The following TTF2 variants were observed in gnomAD, a reference collection of about 807,000 sequenced individuals.
TTF2 encodes the protein RNA polymerase II termination factor.
TTF2 carries 108 observed loss-of-function variants against 142.4 expected under a neutral mutation model. The observed-to-expected ratio is 0.76, with a 90% CI of 0.65 to 0.89. The LOEUF (loss-of-function observed/expected upper bound fraction) is 0.89. Ranked by LOEUF, TTF2 falls within the 40% of genes least tolerant of loss-of-function variation. The pLI, the probability that TTF2 is intolerant of heterozygous loss-of-function variation, is 0.00. For missense variants in TTF2, 1,327 were observed against 1,379.8 expected, an observed-to-expected ratio of 0.96 and a Z score of 0.61; for synonymous variants, 483 against 506.2, an observed-to-expected ratio of 0.95 and a Z score of 0.61.
chr1:117,102,245 T>A lies in TTF2; in HGVS notation c.*721T>A, dbSNP rs1649640818. 1 of 152,230 alleles carries A rather than the reference T, an allele frequency of 6.6e-6. No individual in the cohort carries two copies. The highest frequency in any genetic ancestry group is 1.5e-5 in the Non-Finnish European group (1 of 68,042). The allele number at this position is 152,230 out of a possible 1,614,324, so 9.4% of individuals were successfully genotyped here. ...CTTCTCTAACACAGGCTCCATCCTA[T>A]CTCTTCATCTCTTCTTGCCAGTGAT... On this transcript the variant is annotated 3_prime_UTR_variant, in exon 23 of 23. Coordinates refer to ENST00000369466, the MANE Select transcript of TTF2 (RefSeq NM_003594.4).
At chr1:117,074,630 T>G (rs1656838339) in intron 4 of TTF2, among the ~76,000 whole-genome samples, 2 of 151,772 alleles carry the variant, frequency 1.3e-5, no homozygotes. Context: ...AGCTAAACAT[T>G]GAGCACCCAT....
intron 13 of TTF2, among the ~76,000 whole-genome samples, chr1:117,089,492 T>G (rs1648376842): frequency 6.6e-6 from 1 of 151,864 alleles, no homozygotes; most frequent in Admixed American, 6.6e-5. Flanking sequence ...AGTTCAAGAT[T>G]AGCCAGGGGA....
In TTF2 at chr1:117,075,510, C is replaced by T; in HGVS notation, c.926C>T (p.Pro309Leu). The T allele has an allele frequency of 6.2e-7, 1 of 1,614,150 alleles. No individual in the cohort carries two copies. Among genetic ancestry groups the T allele is most frequent in the Non-Finnish European group, 8.5e-7 (1 of 1,180,004 alleles). Reference protein sequence around the residue: ...PSIQATQKSLPQGHFQERPET... With the variant: ...PSIQATQKSLLQGHFQERPET... ...ATACAGGCCACCCAGAAAAGCCTGC[C>T]TCAGGGGCATTTCCAAGAGCGGCCG... Residue 309 changes from proline to leucine, a missense_variant, in exon 5 of 23, where the codon CCT becomes CTT. Pro to Leu is a moderately conservative substitution (Grantham distance 98). Coordinates refer to ENST00000369466, the MANE Select transcript of TTF2 (RefSeq NM_003594.4). This position sits in a 1 kb window ranked among gnomAD's most constrained non-coding sequence, Gnocchi z 4.5.
chr1:117,061,845 A>G (rs1655709213), intron 2 of TTF2, among the ~76,000 whole-genome samples: 1 of 152,250 alleles, frequency 6.6e-6, no homozygotes, highest in Non-Finnish European at 1.5e-5. Context: ...AAAGTGCCAC[A>G]GGTTTAGGAG....
chr1:117,076,105 C>G lies in TTF2; in HGVS notation c.1276-75C>G, dbSNP rs986662688. 6.9e-7 allele frequency: 1 copy of G among 1,439,196 alleles called. No homozygotes were observed. The highest frequency in any genetic ancestry group is 9.5e-7 in the Non-Finnish European group (1 of 1,049,762). The allele number at this position is 1,439,196 out of a possible 1,614,324, so 89.2% of individuals were successfully genotyped here. On this transcript the variant is annotated intron_variant, in intron 5 of 22. Transcript: ENST00000369466. The surrounding 1 kb of genome is among the most constrained non-coding windows in gnomAD (Gnocchi z 4.6). Reference sequence around the variant, plus strand: ...CCATAATTTCAGAGTTTGGGTGTTTCAGGCTATTTTAATCTGAAACTATTC... The same window carrying G: ...CCATAATTTCAGAGTTTGGGTGTTTGAGGCTATTTTAATCTGAAACTATTC...
chr1:117,073,141 A>G lies in TTF2; in HGVS notation c.219-520A>G, dbSNP rs1396699501. Among the ~76,000 whole-genome samples, 1 of 152,120 alleles carries G rather than the reference A, an allele frequency of 6.6e-6. No homozygotes were observed. Among genetic ancestry groups the G allele is most frequent in the East Asian group, 1.9e-4 (1 of 5,198 alleles). ...GGTTGTTTGTCCTATAGCGTTTCCC[A>G]CTGCCAAGATTTTGAAGGTTATATT... On this transcript the variant is annotated intron_variant, in intron 3 of 22. Coordinates refer to ENST00000369466, the MANE Select transcript of TTF2 (RefSeq NM_003594.4). This position sits in a 1 kb window ranked among gnomAD's most constrained non-coding sequence, Gnocchi z 4.4.
At position 117,092,624 on chromosome 1, in the gene TTF2, C is replaced by G; in HGVS notation, c.2806-107C>G. 4 of 1,262,878 alleles carry G rather than the reference C, an allele frequency of 3.2e-6. No individual in the cohort carries two copies. In the Admixed American group the frequency reaches 9.7e-5, roughly 31 times the overall value. 78.2% of individuals were successfully genotyped at this position (1,262,878 alleles called of 1,614,324 possible). A position where few individuals can be genotyped will look rare whatever the true frequency, so the allele number is the denominator to read the frequency against. On this transcript the variant is annotated intron_variant, in intron 17 of 22. Coordinates refer to ENST00000369466, the MANE Select transcript of TTF2 (RefSeq NM_003594.4). This position sits in a 1 kb window ranked among gnomAD's most constrained non-coding sequence, Gnocchi z 4.4. ...TTGAGGAGTTACTGATGACAAATTA[C>G]AAGATATTTTGCTCTGTGAAGTGGT...
rs2101216972 is a variant in TTF2, at chr1:117,097,274, T to C, written c.3187-77T>C. On this transcript the variant is annotated intron_variant, in intron 20 of 22. Coordinates refer to ENST00000369466, the MANE Select transcript of TTF2 (RefSeq NM_003594.4). The surrounding 1 kb of genome is among the most constrained non-coding windows in gnomAD (Gnocchi z 4.1). ...GAACACAGTGCTTATCTGTATTGAT[T>C]GTGGACTTAAACCTGAGACCGAGAT... The C allele has an allele frequency of 7.9e-7, 1 of 1,264,276 alleles. No individual in the cohort carries two copies. Among genetic ancestry groups the C allele is most frequent in the Non-Finnish European group, 1.2e-6 (1 of 862,174 alleles). The allele number at this position is 1,264,276 out of a possible 1,614,324, so 78.3% of individuals were successfully genotyped here. A position where few individuals can be genotyped will look rare whatever the true frequency, so the allele number is the denominator to read the frequency against.
chr1:117,076,250 A>G lies in TTF2; in HGVS notation c.1346A>G (p.Glu449Gly). 1.2e-6 allele frequency: 2 copies of G among 1,613,970 alleles called. No homozygotes were observed. Among genetic ancestry groups the G allele is most frequent in the Non-Finnish European group, 1.7e-6 (2 of 1,179,860 alleles). Residue 449 changes from glutamate (E) to glycine (G), a missense_variant, in exon 6 of 23, where the codon GAG becomes GGG. Transcript: ENST00000369466. This position sits in a 1 kb window ranked among gnomAD's most constrained non-coding sequence, Gnocchi z 4.6. ...KGQKLIKQIQELEEVLSGLTL... is the reference protein window; with the variant it reads ...KGQKLIKQIQGLEEVLSGLTL... ...CAGAAGTTGATCAAACAAATCCAGG[A>G]GCTGGAGGAAGTACTCAGTGGTCTT...
chr1:117,095,455 A>G (rs1406726132), intron 19 of TTF2, 88 bp downstream of exon 19: 1 of 1,230,418 alleles, frequency 8.1e-7, no homozygotes, highest in African/African-American at 1.5e-5. Flanking sequence ...AAGGACTGTG[A>G]GTCATGCTCA....
chr1:117,068,225 G>T (rs970174205), intron 3 of TTF2, among the ~76,000 whole-genome samples: 2 of 152,186 alleles, frequency 1.3e-5, no homozygotes. Flanking sequence ...TTGCTTAGAC[G>T]TGGGTATAAC....
At position 117,075,904 on chromosome 1, in the gene TTF2, T is replaced by A; in HGVS notation, c.1275+45T>A. The A allele has an allele frequency of 6.4e-7, 1 of 1,551,626 alleles. No individual in the cohort carries two copies. The highest frequency in any genetic ancestry group is 8.7e-7 in the Non-Finnish European group (1 of 1,155,242). The stretch of plus-strand genomic sequence containing the variant: ...TTGTTTCTGAGGTCAGAGCATTGCT[T>A]GTTATGGGCAGATATGAGATCTCAT... On this transcript the variant is annotated intron_variant, in intron 5 of 22. Transcript: ENST00000369466. This position sits in a 1 kb window ranked among gnomAD's most constrained non-coding sequence, Gnocchi z 4.5.
rs767211934 is a variant in TTF2 at position 117,103,186 on chromosome 1, C to T, written c.*1662C>T. The T allele has an allele frequency of 1.3e-5, 2 of 152,232 alleles. No individual in the cohort carries two copies. The highest frequency in any genetic ancestry group is 2.9e-5 in the Non-Finnish European group (2 of 68,054). 9.4% of individuals were successfully genotyped at this position (152,232 alleles called of 1,614,324 possible). A position where few individuals can be genotyped will look rare whatever the true frequency, so the allele number is the denominator to read the frequency against. ...CCCTTCTATTAGACTAGTGAAGCCT[C>T]AGTCCCAGGATGGCTCCCCATGTAC... On this transcript the variant is annotated 3_prime_UTR_variant, in exon 23 of 23. Transcript: ENST00000369466.
rs1393250188 is a variant in TTF2 at position 117,070,804 on chromosome 1, G to T, written c.219-2857G>T. On this transcript the variant is annotated intron_variant, in intron 3 of 22. Coordinates refer to ENST00000369466, the MANE Select transcript of TTF2 (RefSeq NM_003594.4). The surrounding 1 kb of genome is among the most constrained non-coding windows in gnomAD (Gnocchi z 4.2). ...TGTGTTTGTACAAGAGGGAGGGGCTGGACCTATTTTCTTTTTAGCTTAACT... is the reference window on the plus strand; with the variant it reads ...TGTGTTTGTACAAGAGGGAGGGGCTTGACCTATTTTCTTTTTAGCTTAACT... Among the ~76,000 whole-genome samples the T allele has an allele frequency of 6.6e-6, 1 of 152,108 alleles. No homozygotes were observed. Among genetic ancestry groups the T allele is most frequent in the Non-Finnish European group, 1.5e-5 (1 of 68,012 alleles).
rs779556180 is a variant in TTF2 at position 117,062,431 on chromosome 1, A to G, written c.176A>G (p.Glu59Gly). The G allele has an allele frequency of 1.4e-5, 22 of 1,612,680 alleles. No individual in the cohort carries two copies. Among genetic ancestry groups the G allele is most frequent in the Non-Finnish European group, 1.7e-5 (20 of 1,179,796 alleles). Residue 59 changes from glutamate to glycine, a missense_variant, in exon 3 of 23, where the codon GAG becomes GGG. By Grantham distance (98) the Glu-to-Gly change is moderately conservative (BLOSUM62 -2). Transcript: ENST00000369466. ...HCLLHEDFVV[E>G]LQGLLLPQDK... ...TTATTGCATGAGGACTTTGTGGTAG[A>G]GCTTCAGGGTTTGCTTCTGCCACAG...
chr1:117,081,232 G>A (rs1178095541), intron 9 of TTF2, among the ~76,000 whole-genome samples: 7 of 152,196 alleles, frequency 4.6e-5, no homozygotes, highest in African/African-American at 1.7e-4. Flanking sequence ...TTCTGTTATG[G>A]CAGAATGATT....
chr1:117,095,836 C>T (rs1165648949), intron 19 of TTF2, among the ~76,000 whole-genome samples: 3 of 152,172 alleles, frequency 2.0e-5, no homozygotes, highest in Non-Finnish European at 4.4e-5. Flanking sequence ...CCCTTTTGTG[C>T]AGGACCACAG....
In TTF2 at chr1:117,080,238, T is replaced by G. The variant is rs1222155562; in HGVS notation, c.1783+589T>G. ...GTTGGACAGGCTGGTCTCTAACTCC[T>G]GACCTCAGGTGCTCCACCTGCCTTG... On this transcript the variant is annotated intron_variant, in intron 9 of 22. Transcript: ENST00000369466. This position sits in a 1 kb window ranked among gnomAD's most constrained non-coding sequence, Gnocchi z 4.3. Among the ~76,000 whole-genome samples, 1 of 152,070 alleles carries G rather than the reference T, an allele frequency of 6.6e-6. No individual in the cohort carries two copies. The highest frequency in any genetic ancestry group is 1.9e-4 in the East Asian group (1 of 5,176).
intron 13 of TTF2, 22 bp downstream of exon 13, chr1:117,089,004 T>G: frequency 6.3e-7 from 1 of 1,586,174 alleles, no homozygotes; most frequent in Non-Finnish European, 8.6e-7. Context: ...CTCGTGATTG[T>G]GTAAATATGA....
Sources: gnomAD v4.1 joint callset for allele counts (sites outside exome capture counted in the v4.1 genomes callset) on GRCh38, gnomAD v4.1.1 for gene constraint, Gnocchi (gnomAD v3.1) non-coding constraint, MANE v1.5 for transcripts, NCBI Gene and HGNC (gene_info 2026-07-23, HGNC 2026-07-21) for gene names.